APC: variants seen among roughly 807,000 people sequenced by gnomAD.
APC encodes the protein adenomatous polyposis coli protein.
A neutral mutation model predicts 247.0 loss-of-function variants in APC; 72 were observed. That is an observed-to-expected ratio of 0.29 (90% CI 0.24 to 0.35). The LOEUF is 0.35. APC is among the 10% of genes least tolerant of loss of function. The probability of loss-of-function intolerance (pLI) is 1.00; values close to 1 mark genes in which losing one functional copy is unlikely to be tolerated. For missense variants in APC, 3,400 were observed against 3,360.7 expected, an observed-to-expected ratio of 1.01 and a Z score of -0.29; for synonymous variants, 1,254 against 1,162.5, an observed-to-expected ratio of 1.08 and a Z score of -1.60.
At position 112,841,052 on chromosome 5, in the gene APC, T is replaced by G. The variant is rs1301894985; in HGVS notation, c.5458T>G (p.Ser1820Ala). ...DSKKQNLKNNSKVFNDKLPNN... is the reference protein window; with the variant it reads ...DSKKQNLKNNAKVFNDKLPNN... ...AAAGAAACAGAATTTGAAAAATAAT[T>G]CCAAGGTCTTCAATGATAAGCTCCC... is the stretch of plus-strand genomic sequence containing the variant. Residue 1820 changes from serine (S) to alanine (A), a missense_variant, in exon 16 of 16, where the codon TCC becomes GCC. This residue lies in a region of APC where 1,788 missense variants were observed against 1,649.5 expected (regional missense o/e 1.08). Coordinates refer to ENST00000257430, the MANE Select transcript of APC (RefSeq NM_000038.6). This position sits in a 1 kb window ranked among gnomAD's most constrained non-coding sequence, Gnocchi z 4.6. The G allele has an allele frequency of 1.2e-6, 2 of 1,612,062 alleles. No individual in the cohort carries two copies. The highest frequency in any genetic ancestry group is 2.2e-5 in the South Asian group (2 of 91,032).
At chr5:112,762,711 A>C (rs1755806196) in intron 2 of APC, among the ~76,000 whole-genome samples, 1 of 152,224 alleles carries the variant, frequency 6.6e-6, no homozygotes, top group South Asian at 2.1e-4. Context: ...AAGGAGCTTG[A>C]GGGAACCCTC....
intron 8 of APC, among the ~76,000 whole-genome samples, chr5:112,802,708 A>T (rs1408338074): frequency 6.6e-6 from 1 of 152,114 alleles, no homozygotes; most frequent in Non-Finnish European, 1.5e-5. Flanking sequence ...TATAATCATG[A>T]TGTAGGTGGG....
chr5:112,750,282 C>T (rs1351358386), intron 1 of APC, among the ~76,000 whole-genome samples: 1 of 152,126 alleles, frequency 6.6e-6, no homozygotes, highest in Non-Finnish European at 1.5e-5. Context: ...GCTTTTCAAA[C>T]TCTTCAAAGG....
intron 5 of APC, 47 bp from the exon 6 acceptor site, chr5:112,780,743 A>G: frequency 7.4e-7 from 1 of 1,351,606 alleles, no homozygotes; most frequent in East Asian, 2.4e-5. Flanking sequence ...TTTACTGATT[A>G]ACGTAAATAC....
At chr5:112,791,740 A>G (rs1759624470) in intron 6 of APC, among the ~76,000 whole-genome samples, 2 of 152,188 alleles carry the variant, frequency 1.3e-5, no homozygotes, top group African/African-American at 2.4e-5. Flanking sequence ...AATTTATTAT[A>G]TTGTATTAAT....
chr5:112,783,246 A>G (rs1758546702), intron 6 of APC, among the ~76,000 whole-genome samples: 2 of 152,192 alleles, frequency 1.3e-5, no homozygotes. Context: ...TTTTGTTCAC[A>G]TAAGCGCTGA....
At chr5:112,788,830 G>A (rs906824276) in intron 6 of APC, among the ~76,000 whole-genome samples, 5 of 152,030 alleles carry the variant, frequency 3.3e-5, no homozygotes, top group Non-Finnish European at 7.4e-5. Flanking sequence ...TATCATCGCC[G>A]GTTTAAGATT....
intron 8 of APC, among the ~76,000 whole-genome samples, chr5:112,802,870 A>T (rs13436450): frequency 0.018 from 2,743 of 152,186 alleles, 87 homozygotes; most frequent in African/African-American, 0.063. Context: ...AAGATGCAAA[A>T]AACAGTATTT....
intron 1 of APC, among the ~76,000 whole-genome samples, chr5:112,715,402 A>G (rs1179530450): frequency 6.6e-6 from 1 of 152,206 alleles, no homozygotes; most frequent in Non-Finnish European, 1.5e-5. Flanking sequence ...TTCAGGGGAC[A>G]GGGGATACTA....
intron 11 of APC, among the ~76,000 whole-genome samples, chr5:112,823,526 A>C (rs1039008668): frequency 6.6e-6 from 1 of 152,234 alleles, no homozygotes; most frequent in Non-Finnish European, 1.5e-5. Flanking sequence ...AGGTTTTGGC[A>C]GTAAGGGATA....
chr5:112,826,777 C>T (rs751336093), intron 11 of APC, among the ~76,000 whole-genome samples: 45 of 151,926 alleles, frequency 3.0e-4, no homozygotes, highest in African/African-American at 6.8e-4. Flanking sequence ...CTTATGTTCA[C>T]GAAGAACTAG....
intron 1 of APC, among the ~76,000 whole-genome samples, chr5:112,728,622 G>A (rs1165712522): frequency 7.3e-6 from 1 of 136,482 alleles, no homozygotes; most frequent in East Asian, 2.5e-4. Context: ...GGGTAAAATG[G>A]TTGCCAGAGG....
chr5:112,817,307 T>A (rs1453849324), intron 9 of APC, among the ~76,000 whole-genome samples: 4 of 152,250 alleles, frequency 2.6e-5, no homozygotes, highest in Non-Finnish European at 4.4e-5. Context: ...AATAATATAA[T>A]AGCTCTTGGG....
chr5:112,712,599 C>T (rs1038345908), intron 1 of APC, among the ~76,000 whole-genome samples: 4 of 151,076 alleles, frequency 2.6e-5, no homozygotes, highest in African/African-American at 9.7e-5. Flanking sequence ...TTGCTGTATT[C>T]CCCAGGCTGG....
chr5:112,756,473 C>T (rs957764649), intron 2 of APC, among the ~76,000 whole-genome samples: 8 of 152,316 alleles, frequency 5.3e-5, no homozygotes, highest in Admixed American at 6.5e-5. Context: ...CAACACATTA[C>T]ATTTCAAATC....
At position 112,739,874 on chromosome 5, in the gene APC, A is replaced by G. The variant is rs576397663; in HGVS notation, c.-19+1949A>G. On this transcript the variant is annotated intron_variant, in intron 1 of 15. Transcript: ENST00000257430. Reference sequence around the variant, plus strand: ...TAAAACTATTATTTTTACATAAATTACCTTTTACCATTTTAACAGCTCATT... The same window carrying G: ...TAAAACTATTATTTTTACATAAATTGCCTTTTACCATTTTAACAGCTCATT... Among the ~76,000 whole-genome samples, 249 of 152,330 alleles carry G rather than the reference A, an allele frequency of 1.6e-3. 4 individuals carry two copies. Among genetic ancestry groups the G allele is most frequent in the African/African-American group, 5.9e-3 (244 of 41,580 alleles).
chr5:112,778,653 TCTC>T (rs1484285178), intron 5 of APC, among the ~76,000 whole-genome samples: 2 of 149,668 alleles, frequency 1.3e-5, no homozygotes, highest in African/African-American at 4.9e-5. Context: ...TTCAAGCGAT[TCTC>T]CTGCCTCAGC....
chr5:112,787,033 A>T (rs1044599223), intron 6 of APC, among the ~76,000 whole-genome samples: 1 of 151,956 alleles, frequency 6.6e-6, no homozygotes, highest in Non-Finnish European at 1.5e-5. Flanking sequence ...AATTACAGGC[A>T]TGTGCCACCA....
chr5:112,837,939 A>G lies in APC; in HGVS notation c.2345A>G (p.Lys782Arg), dbSNP rs1554084082. ...TFDNIDNLSPKASHRSKQRHK... is the reference protein window; with the variant it reads ...TFDNIDNLSPRASHRSKQRHK... ...GACAATATAGACAATTTAAGTCCCA[A>G]GGCATCTCATCGTAGTAAGCAGAGA... Residue 782 changes from lysine (K) to arginine (R), a missense_variant, in exon 16 of 16, where the codon AAG becomes AGG. By Grantham distance (26) the Lys-to-Arg change is conservative (BLOSUM62 2). This residue lies in a region of APC where 91 missense variants were observed against 103.3 expected (regional missense o/e 0.88). Transcript: ENST00000257430. 1 of 1,614,122 alleles carries G rather than the reference A, an allele frequency of 6.2e-7. No homozygotes were observed. Among genetic ancestry groups the G allele is most frequent in the Non-Finnish European group, 8.5e-7 (1 of 1,180,030 alleles).
Sources: gnomAD v4.1 joint callset for allele counts (sites outside exome capture counted in the v4.1 genomes callset) on GRCh38, gnomAD v4.1.1 for gene constraint, gnomAD v4.1.1 regional missense constraint, Gnocchi (gnomAD v3.1) non-coding constraint, MANE v1.5 for transcripts, NCBI Gene and HGNC (gene_info 2026-07-23, HGNC 2026-07-21) for gene names.